KLF8: variants seen among roughly 807,000 people sequenced by gnomAD.
The protein encoded by KLF8 is Krueppel-like factor 8.
A neutral mutation model predicts 18.2 loss-of-function variants in KLF8; 10 were observed. The observed-to-expected ratio is 0.55, with a 90% CI of 0.34 to 0.93. The LOEUF is 0.93. Among genes scored for constraint, KLF8 ranks in the 40% least tolerant of loss-of-function variants. The pLI is 0.02. For synonymous variants in KLF8, 109 were observed against 97.3 expected (o/e 1.12, Z -0.71); for missense variants, 264 against 277.9 (o/e 0.95, Z 0.36).
intron 1 of KLF8, among the ~76,000 whole-genome samples, chrX:56,247,088 T>C (rs186152701): frequency 5.4e-5 from 6 of 111,850 alleles, no homozygotes; most frequent in African/African-American, 1.9e-4. Context: ...AATTTTTACA[T>C]TGTGTGAATA....
At chrX:56,277,223 C>T (rs1329648949) in intron 5 of KLF8, among the ~76,000 whole-genome samples, 1 of 111,673 alleles carries the variant, frequency 9.0e-6, no homozygotes, top group Non-Finnish European at 1.9e-5. Flanking sequence ...TGTAGATATT[C>T]ATTAGCGTCT....
intron 4 of KLF8, 33 bp from the exon 5 acceptor site, chrX:56,270,149 A>T (rs751699066): frequency 1.7e-6 from 2 of 1,165,847 alleles, no homozygotes; most frequent in Non-Finnish European, 2.3e-6. Flanking sequence ...CTTTAAAGTC[A>T]CTGTTTGGCT....
the KLF8 span, among the ~76,000 whole-genome samples, chrX:56,077,277 A>G: frequency 8.9e-6 from 1 of 111,911 alleles, no homozygotes; most frequent in Non-Finnish European, 1.9e-5. Context: ...GGTTTTAAGT[A>G]TAACGTTTAA....
chrX:56,019,435 G>C, the KLF8 span, among the ~76,000 whole-genome samples: 3 of 112,376 alleles, frequency 2.7e-5, no homozygotes, highest in Non-Finnish European at 5.6e-5. Flanking sequence ...TTCGTTGACT[G>C]TCTATTTTAA....
chrX:56,264,377 T>G (rs2066933463), intron 2 of KLF8, among the ~76,000 whole-genome samples: 1 of 110,938 alleles, frequency 9.0e-6, no homozygotes, highest in Non-Finnish European at 1.9e-5. Flanking sequence ...TAAATGTATT[T>G]ATTGGTTTTT....
intron 5 of KLF8, 29 bp from the exon 6 acceptor site, chrX:56,284,284 C>A: frequency 9.5e-7 from 1 of 1,051,396 alleles, no homozygotes; most frequent in South Asian, 2.5e-5. Context: ...CTCTCTGATT[C>A]TCTTTTTTTT....
At chrX:56,220,131 C>T in the KLF8 span, among the ~76,000 whole-genome samples, 1 of 112,329 alleles carries the variant, frequency 8.9e-6, no homozygotes, top group African/African-American at 3.2e-5. Flanking sequence ...ACAAAATGTA[C>T]TTCCTGTGGA....
At chrX:56,195,163 A>C in the KLF8 span, among the ~76,000 whole-genome samples, 1 of 112,519 alleles carries the variant, frequency 8.9e-6, no homozygotes, top group Admixed American at 9.4e-5. Flanking sequence ...TAAAAATCAG[A>C]GTACCTCTTC....
At chrX:56,176,034 G>A in the KLF8 span, among the ~76,000 whole-genome samples, 1 of 111,674 alleles carries the variant, frequency 9.0e-6, no homozygotes, top group Non-Finnish European at 1.9e-5. Context: ...ACACTGATGG[G>A]TCTTGACTCT....
the KLF8 span, among the ~76,000 whole-genome samples, chrX:56,050,671 G>T: frequency 8.9e-6 from 1 of 112,221 alleles, no homozygotes; most frequent in Non-Finnish European, 1.9e-5. Context: ...ATTTGCTGAG[G>T]AGAGATTTAC....
At chrX:56,096,298 C>T in the KLF8 span, among the ~76,000 whole-genome samples, 13 of 110,612 alleles carry the variant, frequency 1.2e-4, no homozygotes, top group Non-Finnish European at 2.1e-4. Context: ...ACAAAATATG[C>T]GAGGGTAGGA....
chrX:55,947,308 TA>T, the KLF8 span, among the ~76,000 whole-genome samples: 1 of 109,877 alleles, frequency 9.1e-6, no homozygotes, highest in African/African-American at 3.3e-5. Flanking sequence ...TATTCGGCCA[TA>T]AAAAATGATG....
At chrX:56,159,456 G>A in the KLF8 span, among the ~76,000 whole-genome samples, 1 of 112,831 alleles carries the variant, frequency 8.9e-6, no homozygotes, top group Non-Finnish European at 1.9e-5. Flanking sequence ...AGTTTCAGAA[G>A]GAATGGTACT....
chrX:56,184,362 C>T, the KLF8 span, among the ~76,000 whole-genome samples: 2 of 112,444 alleles, frequency 1.8e-5, no homozygotes, highest in Non-Finnish European at 3.8e-5. Flanking sequence ...GTAAACAAAG[C>T]AGCCAGGAAG....
chrX:56,123,471 A>G, the KLF8 span, among the ~76,000 whole-genome samples: 3 of 111,841 alleles, frequency 2.7e-5, no homozygotes, highest in African/African-American at 9.7e-5. Context: ...AGAGGGCACT[A>G]ATAGAAGCAT....
At chrX:56,049,261 C>T in the KLF8 span, among the ~76,000 whole-genome samples, 17 of 111,039 alleles carry the variant, frequency 1.5e-4, no homozygotes, top group African/African-American at 5.2e-4. Flanking sequence ...CCTTTATTGC[C>T]TTCTCCTGCC....
the KLF8 span, among the ~76,000 whole-genome samples, chrX:56,207,196 C>T: frequency 1.8e-5 from 2 of 112,639 alleles, no homozygotes; most frequent in Non-Finnish European, 3.8e-5. Flanking sequence ...GTGAAGACCT[C>T]TGACATGCCC....
At chrX:56,120,809 A>C in the KLF8 span, among the ~76,000 whole-genome samples, 1 of 111,290 alleles carries the variant, frequency 9.0e-6, no homozygotes, top group Non-Finnish European at 1.9e-5. Context: ...TGAGGGTGAG[A>C]GTTTGACCTT....
the KLF8 span, among the ~76,000 whole-genome samples, chrX:55,960,909 G>T: frequency 9.0e-6 from 1 of 111,524 alleles, no homozygotes; most frequent in South Asian, 3.8e-4. Flanking sequence ...GGATAAAGAA[G>T]CTAGACACAA....
Sources: allele counts gnomAD v4.1 joint callset (sites outside exome capture counted in the v4.1 genomes callset), GRCh38; gene constraint gnomAD v4.1.1; transcripts MANE v1.5; gene names NCBI Gene and HGNC (gene_info 2026-07-23, HGNC 2026-07-21).